EBF3: variants seen among roughly 807,000 people sequenced by gnomAD.
EBF3 encodes EBF transcription factor 3.
Under a neutral mutation model 77.1 loss-of-function variants are expected in EBF3, and 18 were observed. The observed-to-expected ratio is 0.23, with a 90% CI of 0.16 to 0.35. The LOEUF (loss-of-function observed/expected upper bound fraction) is 0.35. Among genes scored for constraint, EBF3 ranks in the 10% least tolerant of loss-of-function variants. The pLI is 1.00. For missense variants in EBF3, 558 were observed against 860.0 expected (o/e 0.65, Z 4.39); for synonymous variants, 350 against 343.5 (o/e 1.02, Z -0.21).
rs1858030666 is a variant in EBF3 at position 129,944,481 on chromosome 10, A to T, written c.554+12777T>A. On this transcript the variant is annotated intron_variant, in intron 6 of 16. Coordinates refer to ENST00000440978, the MANE Select transcript of EBF3 (RefSeq NM_001375380.1). This position sits in a 1 kb window ranked among gnomAD's most constrained non-coding sequence, Gnocchi z 5.1. ...AATCATAAGGTAAATCAAGACCTGG[A>T]ACATAAGTCAGATGAATTAATATAG... Among the ~76,000 whole-genome samples the T allele has an allele frequency of 6.6e-6, 1 of 152,232 alleles. No homozygotes were observed. The highest frequency in any genetic ancestry group is 2.4e-5 in the African/African-American group (1 of 41,464).
chr10:129,930,977 CTA>C (rs1856990217), intron 6 of EBF3, among the ~76,000 whole-genome samples: 1 of 146,404 alleles, frequency 6.8e-6, no homozygotes, highest in East Asian at 2.1e-4. Context: ...TCTCATATAT[CTA>C]TATCTCTACA....
intron 15 of EBF3, among the ~76,000 whole-genome samples, chr10:129,839,632 G>A (rs1849866471): frequency 6.6e-6 from 1 of 152,234 alleles, no homozygotes; most frequent in South Asian, 2.1e-4. Flanking sequence ...CTGGCCCTGG[G>A]TCTAGACGCA....
Position 129,873,606 on chromosome 10 carries a change from T to C in EBF3, c.637-10A>G, listed in dbSNP as rs777573196. On this transcript the variant is annotated splice_polypyrimidine_tract_variant and intron_variant, in intron 7 of 16. Transcript: ENST00000440978. ...TTGTCGATACAACAACCTGCAAAGA[T>C]GAAGTGGATTTGAAAATGGAATTGG... is the stretch of plus-strand genomic sequence containing the variant. The C allele has an allele frequency of 6.6e-7, 1 of 1,517,918 alleles. No individual in the cohort carries two copies. The highest frequency in any genetic ancestry group is 1.8e-4 in the Middle Eastern group (1 of 5,698). 94.0% of individuals were successfully genotyped at this position (1,517,918 alleles called of 1,614,324 possible).
Position 129,870,726 on chromosome 10 carries a change from C to T in EBF3, c.781+2726G>A, listed in dbSNP as rs1454775031. 6.6e-6 allele frequency among the ~76,000 whole-genome samples: 1 copy of T among 152,198 alleles called. No homozygotes were observed. The highest frequency in any genetic ancestry group is 1.5e-5 in the Non-Finnish European group (1 of 68,038). On this transcript the variant is annotated intron_variant, in intron 8 of 16. Coordinates refer to ENST00000440978, the MANE Select transcript of EBF3 (RefSeq NM_001375380.1). The surrounding 1 kb of genome is among the most constrained non-coding windows in gnomAD (Gnocchi z 4.4). The stretch of plus-strand genomic sequence containing the variant: ...CAGGGAGCCCAATGGCTGGGATGAG[C>T]ATGTCAAAACGGGAGCGTGACTCAA...
chr10:129,957,335 C>T lies in EBF3; in HGVS notation c.486-9G>A, dbSNP rs1245029255. Reference sequence around the variant, plus strand: ...TCTTGTCACAGCACCGGCTGTGGAGCAATTGTAAACAGTGGTTTTAATATG... The same window carrying T: ...TCTTGTCACAGCACCGGCTGTGGAGTAATTGTAAACAGTGGTTTTAATATG... On this transcript the variant is annotated splice_polypyrimidine_tract_variant and intron_variant, in intron 5 of 16. Transcript: ENST00000440978. 6.3e-7 allele frequency: 1 copy of T among 1,599,502 alleles called. No individual in the cohort carries two copies. The highest frequency in any genetic ancestry group is 1.7e-5 in the Admixed American group (1 of 58,938).
rs1256613013 is a variant in EBF3, at chr10:129,841,349, C to G, written c.1373-317G>C. Among the ~76,000 whole-genome samples the G allele has an allele frequency of 6.6e-6, 1 of 152,208 alleles. No homozygotes were observed. The highest frequency in any genetic ancestry group is 1.5e-5 in the Non-Finnish European group (1 of 68,044). On this transcript the variant is annotated intron_variant, in intron 13 of 16. Coordinates refer to ENST00000440978, the MANE Select transcript of EBF3 (RefSeq NM_001375380.1). This position sits in a 1 kb window ranked among gnomAD's most constrained non-coding sequence, Gnocchi z 4.6. Reference sequence around the variant, plus strand: ...TGGATTCCTGGTCTGTCCCCCCACGCTCTGTGAACTTTCGGCCTCTGTAGA... The same window carrying G: ...TGGATTCCTGGTCTGTCCCCCCACGGTCTGTGAACTTTCGGCCTCTGTAGA...
intron 6 of EBF3, among the ~76,000 whole-genome samples, chr10:129,912,171 C>T (rs888409989): frequency 1.2e-4 from 19 of 152,232 alleles, no homozygotes; most frequent in African/African-American, 4.3e-4. Flanking sequence ...CTCTTTCCTG[C>T]GCATGGAATA....
At position 129,935,505 on chromosome 10, in the gene EBF3, G is replaced by A. The variant is rs1857297807; in HGVS notation, c.554+21753C>T. Among the ~76,000 whole-genome samples, 1 of 152,168 alleles carries A rather than the reference G, an allele frequency of 6.6e-6. No homozygotes were observed. The highest frequency in any genetic ancestry group is 6.5e-5 in the Admixed American group (1 of 15,278). On this transcript the variant is annotated intron_variant, in intron 6 of 16. Transcript: ENST00000440978. The surrounding 1 kb of genome is among the most constrained non-coding windows in gnomAD (Gnocchi z 4.2). ...AATTCCTGTGTGACCCCAACCCTAAGAACAAGCCTCCCAACTCAGCGCCAA... is the reference window on the plus strand; with the variant it reads ...AATTCCTGTGTGACCCCAACCCTAAAAACAAGCCTCCCAACTCAGCGCCAA...
intron 6 of EBF3, among the ~76,000 whole-genome samples, chr10:129,883,109 TA>T (rs1853321720): frequency 6.6e-6 from 1 of 152,234 alleles, no homozygotes; most frequent in Admixed American, 6.5e-5. Context: ...AGGAACCCTG[TA>T]CAGGATTTTT....
chr10:129,920,349 G>GC (rs1856202881), intron 6 of EBF3, among the ~76,000 whole-genome samples: 1 of 150,744 alleles, frequency 6.6e-6, no homozygotes, highest in Admixed American at 6.6e-5. Context: ...CCACAAACCC[G>GC]CCCCGCTGTG....
intron 8 of EBF3, 109 bp from the exon 9 acceptor site, chr10:129,868,021 G>C (rs59127166): frequency 5.2e-5 from 77 of 1,470,316 alleles, no homozygotes; most frequent in Non-Finnish European, 5.7e-5. Flanking sequence ...GAGGCGCGCC[G>C]TTCCTCCAGG....
intron 6 of EBF3, among the ~76,000 whole-genome samples, chr10:129,954,235 T>C (rs1858876730): frequency 6.6e-6 from 1 of 152,244 alleles, no homozygotes; most frequent in Admixed American, 6.5e-5. Context: ...TACAATGTTA[T>C]GTTTCTTCTT....
At chr10:129,922,611 C>A (rs964699408) in intron 6 of EBF3, among the ~76,000 whole-genome samples, 1 of 152,252 alleles carries the variant, frequency 6.6e-6, no homozygotes, top group African/African-American at 2.4e-5. Flanking sequence ...CTTCCCGGCT[C>A]TCGCCGTCCT....
chr10:129,843,817 C>A (rs1850261696), intron 11 of EBF3, among the ~76,000 whole-genome samples: 1 of 152,200 alleles, frequency 6.6e-6, no homozygotes, highest in Non-Finnish European at 1.5e-5. Flanking sequence ...TCTTTGACTG[C>A]ATGTTGTAAA....
intron 6 of EBF3, among the ~76,000 whole-genome samples, chr10:129,881,722 T>G (rs1028526057): frequency 1.3e-4 from 20 of 152,166 alleles, no homozygotes; most frequent in African/African-American, 4.8e-4. Context: ...ATGAGGGTCC[T>G]GTGAAGATGG....
At position 129,963,296 on chromosome 10, in the gene EBF3, C is replaced by T. The variant is rs776870593; in HGVS notation, c.291+71G>A. 1.9e-6 allele frequency: 3 copies of T among 1,539,036 alleles called. No homozygotes were observed. The highest frequency in any genetic ancestry group is 1.2e-5 in the South Asian group (1 of 82,568). The stretch of plus-strand genomic sequence containing the variant: ...CCGCCGCCTAGGGGGGCACTCGAAC[C>T]CCCGCGCACCGGCACCGCCTGCCTC... On this transcript the variant is annotated intron_variant, in intron 2 of 16. Coordinates refer to ENST00000440978, the MANE Select transcript of EBF3 (RefSeq NM_001375380.1). This position sits in a 1 kb window ranked among gnomAD's most constrained non-coding sequence, Gnocchi z 7.1.
chr10:129,939,111 CCT>C (rs1448820033), intron 6 of EBF3, among the ~76,000 whole-genome samples: 1 of 152,206 alleles, frequency 6.6e-6, no homozygotes, highest in Non-Finnish European at 1.5e-5. Flanking sequence ...AGAAGGTGCC[CCT>C]GTGTGTCCTG....
rs761622344 is a variant in EBF3, at chr10:129,841,046, C to CCCCG, written c.1373-15_1373-14insCGGG. The CCCCG allele has an allele frequency of 1.8e-4, 296 of 1,602,598 alleles. 3 individuals carry two copies. Among genetic ancestry groups the CCCCG allele is most frequent in the Non-Finnish European group, 2.3e-4 (270 of 1,174,594 alleles). On this transcript the variant is annotated splice_polypyrimidine_tract_variant and intron_variant, in intron 13 of 16. Coordinates refer to ENST00000440978, the MANE Select transcript of EBF3 (RefSeq NM_001375380.1). The surrounding 1 kb of genome is among the most constrained non-coding windows in gnomAD (Gnocchi z 4.6). ...GACTGTAGCCGACTGTTGAAATCCC[C>CCCCG]CCCCCGGCCAAAAATAACATTATTA...
intron 4 of EBF3, among the ~76,000 whole-genome samples, chr10:129,961,157 A>C (rs902657722): frequency 2.6e-5 from 4 of 152,220 alleles, no homozygotes; most frequent in African/African-American, 9.6e-5. Flanking sequence ...AGCCCCAACG[A>C]GCTCTCCTTT....
Sources: gnomAD v4.1 joint callset for allele counts (sites outside exome capture counted in the v4.1 genomes callset) on GRCh38, gnomAD v4.1.1 for gene constraint, Gnocchi (gnomAD v3.1) non-coding constraint, MANE v1.5 for transcripts, NCBI Gene and HGNC (gene_info 2026-07-23, HGNC 2026-07-21) for gene names.